The following OR51B5 variants were observed in gnomAD, a reference collection of about 807,000 sequenced individuals.
OR51B5 encodes the protein olfactory receptor family 51 subfamily B member 5.
For synonymous variants in OR51B5, 186 were observed against 144.8 expected, an observed-to-expected ratio of 1.28 and a Z score of -2.04; for missense variants, 456 against 374.6, an observed-to-expected ratio of 1.22 and a Z score of -1.79.
chr11:5,374,301 G>A (rs1262119055), intron 1 of OR51B5, among the ~76,000 whole-genome samples: 1 of 152,036 alleles, frequency 6.6e-6, no homozygotes, highest in Non-Finnish European at 1.5e-5. Flanking sequence ...CTAACAAACA[G>A]AAAGGACATC....
At chr11:5,472,726 C>T (rs144724517) in intron 1 of OR51B5, among the ~76,000 whole-genome samples, 3 of 152,204 alleles carry the variant, frequency 2.0e-5, no homozygotes, top group East Asian at 1.9e-4. Flanking sequence ...GGAGAGCTGA[C>T]GCCCAGGAAG....
chr11:5,421,498 T>C (rs554284445), intron 1 of OR51B5, among the ~76,000 whole-genome samples: 1 of 152,368 alleles, frequency 6.6e-6, no homozygotes, highest in South Asian at 2.1e-4. Context: ...TGTCTTCACC[T>C]GGGCTGTTAA....
chr11:5,471,907 C>G (rs1851235822), intron 1 of OR51B5, among the ~76,000 whole-genome samples: 1 of 152,062 alleles, frequency 6.6e-6, no homozygotes, highest in African/African-American at 2.4e-5. Flanking sequence ...ACAAGATGTA[C>G]TGAATAAATG....
intron 1 of OR51B5, chr11:5,456,181 A>G (rs1053440452): frequency 2.0e-5 from 3 of 152,226 alleles, no homozygotes; most frequent in African/African-American, 2.4e-5. Flanking sequence ...TCTTTTGACC[A>G]TAGGCCTTAC....
At chr11:5,359,181 T>C (rs1849241702) in intron 1 of OR51B5, among the ~76,000 whole-genome samples, 1 of 151,674 alleles carries the variant, frequency 6.6e-6, no homozygotes, top group South Asian at 2.1e-4. Context: ...GGTATTCAAT[T>C]AGGAAAAGAG....
chr11:5,400,197 C>G (rs955624128), intron 1 of OR51B5, among the ~76,000 whole-genome samples: 6 of 152,156 alleles, frequency 3.9e-5, no homozygotes, highest in African/African-American at 1.4e-4. Context: ...CAGCACAGAG[C>G]TTTTCCTAAG....
chr11:5,376,678 A>G (rs1395137810), intron 1 of OR51B5, among the ~76,000 whole-genome samples: 1 of 152,078 alleles, frequency 6.6e-6, no homozygotes, highest in Non-Finnish European at 1.5e-5. Flanking sequence ...AATACTACAA[A>G]CACCTCTACG....
chr11:5,384,696 T>C (rs1020435355), intron 1 of OR51B5, among the ~76,000 whole-genome samples: 1 of 152,214 alleles, frequency 6.6e-6, no homozygotes, highest in Non-Finnish European at 1.5e-5. Context: ...CATTCACTTA[T>C]TCAACAAATT....
chr11:5,489,088 G>C (rs762866652), intron 1 of OR51B5: 2 of 1,613,928 alleles, frequency 1.2e-6, no homozygotes, highest in Admixed American at 1.7e-5. Context: ...TAGGTATGTG[G>C]CTATCTGTAA....
chr11:5,407,433 C>T (rs1850074857), intron 1 of OR51B5, among the ~76,000 whole-genome samples: 1 of 152,146 alleles, frequency 6.6e-6, no homozygotes, highest in Non-Finnish European at 1.5e-5. Flanking sequence ...TTCTTGTTCA[C>T]TTCTTCCTCT....
intron 1 of OR51B5, among the ~76,000 whole-genome samples, chr11:5,395,648 T>C (rs898559313): frequency 6.6e-6 from 1 of 152,126 alleles, no homozygotes; most frequent in Non-Finnish European, 1.5e-5. Context: ...AGTGCTTTCC[T>C]CCACAGCCCC....
In OR51B5 at chr11:5,452,149, C is replaced by T. The variant is rs571734071; in HGVS notation, n.84+53420G>A. Among the ~76,000 whole-genome samples, 11 of 152,180 alleles carry T rather than the reference C, an allele frequency of 7.2e-5. No homozygotes were observed. The South Asian group carries it at 2.3e-3, about 32-fold the overall frequency. ...TATGAGTGTGTATACATGTATAAAT[C>T]CTGCATATATGTCAGTGCAGACTGA... On this transcript the variant is annotated intron_variant and non_coding_transcript_variant, in intron 1 of 4. Coordinates refer to the OR51B5 transcript ENST00000415970.
intron 1 of OR51B5, among the ~76,000 whole-genome samples, chr11:5,407,812 G>A (rs1426035052): frequency 2.0e-5 from 3 of 151,478 alleles, no homozygotes; most frequent in Non-Finnish European, 4.4e-5. Context: ...CTTCAAATAA[G>A]CAAATAATTT....
intron 1 of OR51B5, chr11:5,489,449 T>C (rs573814984): frequency 1.5e-5 from 25 of 1,614,088 alleles, no homozygotes; most frequent in Admixed American, 5.0e-5. Context: ...GGCTCCCACA[T>C]TGGCATCATC....
At chr11:5,389,820 C>A in intron 1 of OR51B5, 2 of 1,613,918 alleles carry the variant, frequency 1.2e-6, no homozygotes. Flanking sequence ...ATCTGCCACC[C>A]TCTGAGGTAT....
At chr11:5,421,285 C>T (rs187710685) in intron 1 of OR51B5, among the ~76,000 whole-genome samples, 18 of 152,318 alleles carry the variant, frequency 1.2e-4, no homozygotes, top group Middle Eastern at 3.4e-3. Context: ...TTATACCGCA[C>T]CTGCTCTCTG....
At chr11:5,458,405 T>A (rs1850993979) in intron 1 of OR51B5, among the ~76,000 whole-genome samples, 1 of 152,188 alleles carries the variant, frequency 6.6e-6, no homozygotes, top group Non-Finnish European at 1.5e-5. Flanking sequence ...GCCTCTGGTT[T>A]TGTTATTTTT....
intron 1 of OR51B5, chr11:5,422,964 T>C (rs768361929): frequency 6.2e-7 from 1 of 1,614,004 alleles, no homozygotes; most frequent in Non-Finnish European, 8.5e-7. Context: ...GTCCTCTACA[T>C]TCCCATGGTT....
intron 1 of OR51B5, among the ~76,000 whole-genome samples, chr11:5,351,233 T>C (rs1306552235): frequency 1.3e-5 from 2 of 152,216 alleles, no homozygotes; most frequent in Non-Finnish European, 2.9e-5. Context: ...TTACAATGAA[T>C]TCAACAATGT....
Sources: gnomAD v4.1 joint callset for allele counts (sites outside exome capture counted in the v4.1 genomes callset) on GRCh38, gnomAD v4.1.1 for gene constraint, MANE v1.5 for transcripts, NCBI Gene and HGNC (gene_info 2026-07-23, HGNC 2026-07-21) for gene names.